The following IQUB variants were observed in gnomAD, a reference collection of about 807,000 sequenced individuals.
The protein encoded by IQUB is IQ motif and ubiquitin domain containing.
IQUB carries 86 observed loss-of-function variants against 86.4 expected under a neutral mutation model. The ratio of observed to expected loss-of-function variants is 1.00; its 90% CI spans 0.84 to 1.19. The LOEUF is 1.19. Ranked by LOEUF, IQUB falls within the 50% of genes most tolerant of loss-of-function variation. The pLI is 0.00. For synonymous variants in IQUB, 289 were observed against 304.5 expected (o/e 0.95, Z 0.53); for missense variants, 946 against 916.9 (o/e 1.03, Z -0.41).
chr7:123,533,544 G>A (rs1384455850), intron 1 of IQUB, among the ~76,000 whole-genome samples: 1 of 152,122 alleles, frequency 6.6e-6, no homozygotes, highest in Non-Finnish European at 1.5e-5. Flanking sequence ...TTTTGCTTAT[G>A]AGAGTTTCCA....
intron 3 of IQUB, among the ~76,000 whole-genome samples, chr7:123,505,589 T>C (rs1037844796): frequency 2.6e-5 from 4 of 152,146 alleles, no homozygotes; most frequent in African/African-American, 7.2e-5. Flanking sequence ...GCCTGAGGCA[T>C]ATCTGGAGCC....
intron 7 of IQUB, among the ~76,000 whole-genome samples, chr7:123,483,980 G>A (rs1795111592): frequency 6.6e-6 from 1 of 152,004 alleles, no homozygotes; most frequent in South Asian, 2.1e-4. Context: ...AAATATCTGA[G>A]GCCACAAGTA....
At chr7:123,508,055 C>T (rs567715449) in intron 3 of IQUB, among the ~76,000 whole-genome samples, 3 of 151,930 alleles carry the variant, frequency 2.0e-5, no homozygotes, top group Admixed American at 6.6e-5. Flanking sequence ...CTGGTTGGGC[C>T]GTAAATGTAA....
chr7:123,475,548 C>T (rs1309668340), intron 8 of IQUB, among the ~76,000 whole-genome samples: 3 of 151,936 alleles, frequency 2.0e-5, no homozygotes, highest in Admixed American at 1.3e-4. Context: ...TGTTTACAGA[C>T]AATGCTAGAC....
chr7:123,468,925 A>T (rs1366381598), intron 9 of IQUB, among the ~76,000 whole-genome samples: 1 of 152,214 alleles, frequency 6.6e-6, no homozygotes, highest in Non-Finnish European at 1.5e-5. Context: ...TCACTGAAAA[A>T]TGTCAAAATA....
intron 1 of IQUB, among the ~76,000 whole-genome samples, chr7:123,523,721 G>C (rs1584653238): frequency 6.6e-6 from 1 of 152,162 alleles, no homozygotes; most frequent in East Asian, 1.9e-4. Flanking sequence ...GATCCCATTT[G>C]TCAATTTTTA....
chr7:123,487,146 TC>T (rs1288861687), intron 7 of IQUB, among the ~76,000 whole-genome samples: 6 of 152,154 alleles, frequency 3.9e-5, no homozygotes, highest in African/African-American at 1.4e-4. Flanking sequence ...TCTCTCTCTC[TC>T]TTCCACCATA....
chr7:123,532,018 C>T (rs577708224), intron 1 of IQUB, among the ~76,000 whole-genome samples: 2 of 152,140 alleles, frequency 1.3e-5, no homozygotes, highest in Non-Finnish European at 2.9e-5. Context: ...GAATTAGTAA[C>T]TATTTGATGA....
chr7:123,506,828 G>A (rs930484990), intron 3 of IQUB, among the ~76,000 whole-genome samples: 4 of 152,090 alleles, frequency 2.6e-5, no homozygotes, highest in African/African-American at 9.7e-5. Flanking sequence ...ATTAATTCAT[G>A]CCACGGTAGA....
intron 1 of IQUB, among the ~76,000 whole-genome samples, chr7:123,523,498 CTTCTT>C: frequency 6.6e-6 from 1 of 152,114 alleles, no homozygotes; most frequent in South Asian, 2.1e-4. Context: ...GCATAAATGT[CTTCTT>C]TTGAGAAGTG....
chr7:123,465,155 C>T, intron 9 of IQUB, 146 bp from the exon 10 acceptor site: 1 of 590,792 alleles, frequency 1.7e-6, no homozygotes, highest in Non-Finnish European at 2.9e-6. Flanking sequence ...ACTAATAGTT[C>T]ATTTTTTGTG....
chr7:123,474,457 T>G lies in IQUB; in HGVS notation c.1411-5073A>C, dbSNP rs111871586. 2.2e-3 allele frequency among the ~76,000 whole-genome samples: 331 copies of G among 152,152 alleles called. 4 individuals are homozygous for G. In the South Asian group the frequency reaches 0.048, roughly 22 times the overall value. ...TGAATATTAGAGATAATACTAGGCT[T>G]GGGGGTGGGGGAGGTTGACAAGCAT... is the stretch of plus-strand genomic sequence containing the variant. On this transcript the variant is annotated intron_variant, in intron 8 of 12. Transcript: ENST00000324698.
At chr7:123,528,332 A>G (rs7795114) in intron 1 of IQUB, among the ~76,000 whole-genome samples, 151,623 of 152,280 alleles carry the variant, frequency 1, 75,490 homozygotes, top group Middle Eastern at 1. Context: ...GGACATCTTG[A>G]CTCCTCCCCG....
rs1169316536 is a variant in IQUB, at chr7:123,509,901, CTGAG to C, written c.528_531del (p.Tyr176Ter). ...ATGTTTTATTAGCCTCCAAACTTAC[CTGAG>C]TATCTTATCTGCAGTACAGAATGTG... On this transcript the variant is annotated frameshift_variant and splice_region_variant, in exon 3 of 13. Coordinates refer to ENST00000324698, the MANE Select transcript of IQUB (RefSeq NM_178827.5). LOFTEE classifies it high-confidence loss of function. 8.8e-6 allele frequency: 14 copies of C among 1,599,002 alleles called. No homozygotes were observed. The highest frequency in any genetic ancestry group is 1.2e-5 in the Non-Finnish European group (14 of 1,175,486).
At chr7:123,479,152 C>T (rs1001012285) in intron 8 of IQUB, among the ~76,000 whole-genome samples, 2 of 152,006 alleles carry the variant, frequency 1.3e-5, no homozygotes, top group South Asian at 2.1e-4. Flanking sequence ...CCCTTTTCTT[C>T]GTAGCTGAAT....
At chr7:123,496,317 C>A (rs926755434) in intron 7 of IQUB, among the ~76,000 whole-genome samples, 1 of 151,986 alleles carries the variant, frequency 6.6e-6, no homozygotes, top group African/African-American at 2.4e-5. Flanking sequence ...CAAAATCAGA[C>A]AGGATGCTGG....
At chr7:123,490,097 G>A (rs1795390222) in intron 7 of IQUB, among the ~76,000 whole-genome samples, 1 of 151,834 alleles carries the variant, frequency 6.6e-6, no homozygotes, top group African/African-American at 2.4e-5. Flanking sequence ...TTAAAAGGAA[G>A]AGATCATCTA....
chr7:123,484,249 A>G (rs1237768560), intron 7 of IQUB, among the ~76,000 whole-genome samples: 2 of 151,864 alleles, frequency 1.3e-5, no homozygotes, highest in Non-Finnish European at 2.9e-5. Context: ...TAAATTTAAG[A>G]GCTAAATTAT....
intron 8 of IQUB, among the ~76,000 whole-genome samples, chr7:123,476,247 T>C (rs954649421): frequency 6.6e-6 from 1 of 152,158 alleles, no homozygotes; most frequent in Non-Finnish European, 1.5e-5. Flanking sequence ...TGAGAGCATA[T>C]ACTACAGGCT....
Sources: allele counts gnomAD v4.1 joint callset (sites outside exome capture counted in the v4.1 genomes callset), GRCh38; gene constraint gnomAD v4.1.1; transcripts MANE v1.5; gene names NCBI Gene and HGNC (gene_info 2026-07-23, HGNC 2026-07-21).